IFTAP: variants seen among roughly 807,000 people sequenced by gnomAD.
The protein encoded by IFTAP is intraflagellar transport associated protein.
IFTAP carries 19 observed loss-of-function variants against 19.4 expected under a neutral mutation model. The ratio of observed to expected loss-of-function variants is 0.98; its 90% confidence interval spans 0.68 to 1.44. The LOEUF (loss-of-function observed/expected upper bound fraction) is 1.44, where lower values mean the gene tolerates loss of function less well. IFTAP is among the 40% of genes most tolerant of loss of function. The pLI is 0.00. For synonymous variants in IFTAP, 85 were observed against 83.5 expected (o/e 1.02, Z -0.10); for missense variants, 240 against 253.6 (o/e 0.95, Z 0.36).
At chr11:36,641,961 T>C (rs1322037698) in intron 4 of IFTAP, among the ~76,000 whole-genome samples, 1 of 152,148 alleles carries the variant, frequency 6.6e-6, no homozygotes, top group African/African-American at 2.4e-5. Flanking sequence ...GGTGCTCCTG[T>C]ATTGGGTGCA....
At position 36,647,020 on chromosome 11, in the gene IFTAP, A is replaced by G. The variant is rs956821780; in HGVS notation, c.359-996A>G. Among the ~76,000 whole-genome samples, 19 of 152,212 alleles carry G rather than the reference A, an allele frequency of 1.2e-4. 1 individual carries two copies. The highest frequency in any genetic ancestry group is 2.2e-4 in the Non-Finnish European group (15 of 67,988). On this transcript the variant is annotated intron_variant, in intron 4 of 5. Coordinates refer to ENST00000334307, the MANE Select transcript of IFTAP (RefSeq NM_138787.4). ...ATATTTTTTTGTGAAGGGGATATCTATAGTGTTGAGGGATTCATTTCAAAT... is the reference window on the plus strand; with the variant it reads ...ATATTTTTTTGTGAAGGGGATATCTGTAGTGTTGAGGGATTCATTTCAAAT...
intron 4 of IFTAP, among the ~76,000 whole-genome samples, chr11:36,645,218 G>T (rs1047258791): frequency 6.6e-6 from 1 of 152,110 alleles, no homozygotes; most frequent in African/African-American, 2.4e-5. Flanking sequence ...GTACCAGTGT[G>T]TTAGATTACA....
chr11:36,624,032 C>T (rs1852410764), intron 2 of IFTAP, among the ~76,000 whole-genome samples: 1 of 151,518 alleles, frequency 6.6e-6, no homozygotes, highest in Admixed American at 6.6e-5. Flanking sequence ...TCATTATTTC[C>T]AGGAAAACCA....
chr11:36,621,644 A>G (rs1420138011), intron 2 of IFTAP, among the ~76,000 whole-genome samples: 3 of 151,988 alleles, frequency 2.0e-5, no homozygotes, highest in Non-Finnish European at 4.4e-5. Flanking sequence ...TATAGTGTCA[A>G]TCCAGGTCTT....
At chr11:36,646,947 C>T (rs1853512280) in intron 4 of IFTAP, among the ~76,000 whole-genome samples, 1 of 152,092 alleles carries the variant, frequency 6.6e-6, no homozygotes, top group Non-Finnish European at 1.5e-5. Flanking sequence ...ATTCTGTTTC[C>T]AGGCTGTCTG....
intron 4 of IFTAP, among the ~76,000 whole-genome samples, chr11:36,638,035 C>T (rs1226531395): frequency 6.6e-6 from 1 of 151,960 alleles, no homozygotes; most frequent in Non-Finnish European, 1.5e-5. Context: ...TGCATGCTGC[C>T]ATGCCTGGCT....
chr11:36,608,043 T>A (rs1284956707), intron 1 of IFTAP, among the ~76,000 whole-genome samples: 1 of 152,206 alleles, frequency 6.6e-6, no homozygotes, highest in Non-Finnish European at 1.5e-5. Context: ...GCTGTGACTA[T>A]ACAGCTATTT....
intron 5 of IFTAP, among the ~76,000 whole-genome samples, chr11:36,653,158 G>T (rs1389257565): frequency 6.6e-6 from 1 of 152,090 alleles, no homozygotes; most frequent in African/African-American, 2.4e-5. Context: ...ACAGCTAAAT[G>T]CTGCCATTAT....
chr11:36,612,513 C>A (rs1022370659), intron 2 of IFTAP, among the ~76,000 whole-genome samples: 8 of 152,074 alleles, frequency 5.3e-5, no homozygotes, highest in Admixed American at 2.0e-4. Context: ...GTGGTTAGTT[C>A]TGTTTAAGAA....
chr11:36,633,275 T>G lies in IFTAP; in HGVS notation c.137-9T>G. On this transcript the variant is annotated splice_polypyrimidine_tract_variant and intron_variant, in intron 2 of 5. Transcript: ENST00000334307. Reference sequence around the variant, plus strand: ...ATGTTTTCTAATAGTGCATAACTTCTTATTTCAGAGGATCATGTGTCCAAA... The same window carrying G: ...ATGTTTTCTAATAGTGCATAACTTCGTATTTCAGAGGATCATGTGTCCAAA... The G allele has an allele frequency of 6.6e-7, 1 of 1,526,624 alleles. No individual in the cohort carries two copies. The highest frequency in any genetic ancestry group is 2.2e-4 in the Middle Eastern group (1 of 4,480). The allele number at this position is 1,526,624 out of a possible 1,614,324, so 94.6% of individuals were successfully genotyped here. A position where few individuals can be genotyped will look rare whatever the true frequency, so the allele number is the denominator to read the frequency against.
intron 2 of IFTAP, among the ~76,000 whole-genome samples, chr11:36,611,752 A>G (rs10836576): frequency 0.29 from 43,512 of 151,902 alleles, 7,172 homozygotes; most frequent in African/African-American, 0.45. Context: ...GTTAACTTTG[A>G]CGCTGACTGT....
At chr11:36,606,967 G>A (rs968037022) in intron 1 of IFTAP, among the ~76,000 whole-genome samples, 2 of 152,178 alleles carry the variant, frequency 1.3e-5, no homozygotes, top group African/African-American at 2.4e-5. Flanking sequence ...GGTGTTACAA[G>A]TAAATGTGCA....
chr11:36,606,066 T>C (rs1851681127), intron 1 of IFTAP, among the ~76,000 whole-genome samples: 1 of 152,260 alleles, frequency 6.6e-6, no homozygotes, highest in South Asian at 2.1e-4. Context: ...ATTAGGTTTA[T>C]ATTTTTATAG....
intron 1 of IFTAP, among the ~76,000 whole-genome samples, chr11:36,600,406 A>G (rs73455553): frequency 0.11 from 16,237 of 152,228 alleles, 990 homozygotes; most frequent in African/African-American, 0.15. Flanking sequence ...CAGATCTGCT[A>G]TGTGGCATTA....
chr11:36,650,885 T>C (rs887219481), intron 5 of IFTAP, among the ~76,000 whole-genome samples: 8 of 152,212 alleles, frequency 5.3e-5, no homozygotes, highest in African/African-American at 1.7e-4. Context: ...GGACATGAAC[T>C]CATCATTTTT....
chr11:36,615,662 A>G (rs1429597725), intron 2 of IFTAP, among the ~76,000 whole-genome samples: 1 of 129,008 alleles, frequency 7.8e-6, no homozygotes. Flanking sequence ...ATTCCTAGGT[A>G]TTTTATTCTC....
At chr11:36,597,132 G>A (rs1851301267) in intron 1 of IFTAP, among the ~76,000 whole-genome samples, 1 of 152,184 alleles carries the variant, frequency 6.6e-6, no homozygotes, top group Non-Finnish European at 1.5e-5. Flanking sequence ...ACCAGATGAT[G>A]TATGCATTTA....
At chr11:36,641,551 C>T (rs978714000) in intron 4 of IFTAP, among the ~76,000 whole-genome samples, 1 of 152,166 alleles carries the variant, frequency 6.6e-6, no homozygotes, top group Non-Finnish European at 1.5e-5. Flanking sequence ...CATTCAGGAG[C>T]AGGTTGTTCA....
At chr11:36,614,053 T>G (rs971166627) in intron 2 of IFTAP, among the ~76,000 whole-genome samples, 8 of 151,858 alleles carry the variant, frequency 5.3e-5, no homozygotes, top group African/African-American at 1.9e-4. Flanking sequence ...TATCTCCCAG[T>G]GCTATCCCTC....
Sources: allele counts gnomAD v4.1 joint callset (sites outside exome capture counted in the v4.1 genomes callset), GRCh38; gene constraint gnomAD v4.1.1; transcripts MANE v1.5; gene names NCBI Gene and HGNC (gene_info 2026-07-23, HGNC 2026-07-21).